The following LARP1B variants were observed in gnomAD, a reference collection of about 807,000 sequenced individuals.
The protein encoded by LARP1B is la-related protein 1B.
LARP1B carries 76 observed loss-of-function variants against 114.2 expected under a neutral mutation model. That is an observed-to-expected ratio of 0.67 (90% CI 0.55 to 0.81). The LOEUF (loss-of-function observed/expected upper bound fraction) is 0.81, where lower values mean the gene tolerates loss of function less well. Among genes scored for constraint, LARP1B ranks in the 30% least tolerant of loss-of-function variants. The probability of loss-of-function intolerance (pLI) is 0.00; values close to 1 mark genes in which losing one functional copy is unlikely to be tolerated. For synonymous variants in LARP1B, 345 were observed against 348.0 expected, an observed-to-expected ratio of 0.99 and a Z score of 0.10; for missense variants, 1,014 against 1,075.8, an observed-to-expected ratio of 0.94 and a Z score of 0.80.
chr4:128,084,865 A>G (rs1377542756), intron 5 of LARP1B, among the ~76,000 whole-genome samples: 1 of 151,600 alleles, frequency 6.6e-6, no homozygotes, highest in Non-Finnish European at 1.5e-5. Flanking sequence ...TATTATTATT[A>G]TTTGTTTTTT....
chr4:128,137,066 G>A (rs1725639938), intron 11 of LARP1B, among the ~76,000 whole-genome samples: 1 of 152,070 alleles, frequency 6.6e-6, no homozygotes, highest in South Asian at 2.1e-4. Context: ...GTGCAGCTAA[G>A]GCAATAGGCT....
Position 128,093,747 on chromosome 4 carries a change from G to A in LARP1B, c.668+2235G>A, listed in dbSNP as rs566092742. On this transcript the variant is annotated intron_variant, in intron 7 of 19. Transcript: ENST00000326639. ...TTTTTTGAAATGGAGTTTTGCTCTC[G>A]TTGTGCAGGCTGGAGTGCAATGGCA... Among the ~76,000 whole-genome samples, 8 of 128,172 alleles carry A rather than the reference G, an allele frequency of 6.2e-5. No homozygotes were observed. In the East Asian group the frequency reaches 1.3e-3, roughly 22 times the overall value. The allele number at this position is 128,172 out of a possible 152,430, so 84.1% of individuals were successfully genotyped here. A position where few individuals can be genotyped will look rare whatever the true frequency, so the allele number is the denominator to read the frequency against.
chr4:128,200,529 C>A lies in LARP1B; in HGVS notation c.2173C>A (p.Arg725Ser). 6.8e-7 allele frequency: 1 copy of A among 1,469,146 alleles called. No individual in the cohort carries two copies. Among genetic ancestry groups the A allele is most frequent in the Non-Finnish European group, 9.0e-7 (1 of 1,107,292 alleles). The allele number at this position is 1,469,146 out of a possible 1,614,324, so 91.0% of individuals were successfully genotyped here. ...TATTTAACTTTTTTCAGAGAGAAAA[C>A]GCTTGGGAATTGGTCAGTCCCAAGA... is the stretch of plus-strand genomic sequence containing the variant. Reference protein sequence around the residue: ...YRRRCLSERKRLGIGQSQEMN... With the variant: ...YRRRCLSERKSLGIGQSQEMN... Residue 725 changes from arginine (R) to serine (S), a missense_variant, in exon 17 of 20, where the codon CGC (arginine) becomes AGC (serine). By Grantham distance (110) the Arg-to-Ser change is moderately radical. Transcript: ENST00000326639.
At chr4:128,105,749 G>A (rs547585761) in intron 8 of LARP1B, among the ~76,000 whole-genome samples, 13 of 152,116 alleles carry the variant, frequency 8.5e-5, no homozygotes, top group South Asian at 4.2e-4. Flanking sequence ...AAAATTAGCC[G>A]GGTGTGGTAG....
rs775255050 is a variant in LARP1B, at chr4:128,209,935, C to A, written c.2627C>A (p.Pro876His). 18 of 1,613,728 alleles carry A rather than the reference C, an allele frequency of 1.1e-5. No individual in the cohort carries two copies. The highest frequency in any genetic ancestry group is 1.4e-5 in the Non-Finnish European group (17 of 1,179,770). The change falls in exon 20 of 20, where the codon CCT becomes CAT. Residue 876 changes from proline (P) to histidine (H), a missense_variant. By Grantham distance (77) the Pro-to-His change is moderately conservative. Coordinates refer to ENST00000326639, the MANE Select transcript of LARP1B (RefSeq NM_018078.4). ...GAGAGTAATCGTCATAGACTTCCAC[C>A]TAATTCCTCTACAAAGCCACCAAAT... is the stretch of plus-strand genomic sequence containing the variant. ...GEESNRHRLPPNSSTKPPNAA... is the reference protein window; with the variant it reads ...GEESNRHRLPHNSSTKPPNAA...
At chr4:128,112,464 C>CTCTTT (rs1380790093) in intron 9 of LARP1B, among the ~76,000 whole-genome samples, 2 of 80,860 alleles carry the variant, frequency 2.5e-5, no homozygotes, top group Non-Finnish European at 5.5e-5. Context: ...AATGCTTACT[C>CTCTTT]TATTTTTTTT....
intron 12 of LARP1B, among the ~76,000 whole-genome samples, chr4:128,176,548 C>T (rs1746255816): frequency 6.6e-6 from 1 of 152,056 alleles, no homozygotes; most frequent in African/African-American, 2.4e-5. Context: ...CCCGCCTCGG[C>T]CTCCCAAAGT....
chr4:128,176,068 A>G (rs1047937276), intron 12 of LARP1B, among the ~76,000 whole-genome samples: 1 of 148,308 alleles, frequency 6.7e-6, no homozygotes, highest in Non-Finnish European at 1.5e-5. Context: ...TTTTATCTCT[A>G]GGATTGTCTC....
intron 15 of LARP1B, among the ~76,000 whole-genome samples, chr4:128,198,114 A>G (rs1578644990): frequency 6.6e-6 from 1 of 151,984 alleles, no homozygotes; most frequent in Admixed American, 6.6e-5. Flanking sequence ...CGAACTCCTG[A>G]CCTCAGGTGA....
At chr4:128,198,164 C>T (rs1477768127) in intron 15 of LARP1B, among the ~76,000 whole-genome samples, 2 of 152,086 alleles carry the variant, frequency 1.3e-5, no homozygotes, top group African/African-American at 4.8e-5. Context: ...GGATTACAGG[C>T]GTGAACCCAC....
chr4:128,171,781 C>T (rs749857232), intron 12 of LARP1B, among the ~76,000 whole-genome samples: 5 of 152,204 alleles, frequency 3.3e-5, no homozygotes, highest in Non-Finnish European at 7.3e-5. Context: ...GAATTCTGAA[C>T]TGACAATTGT....
In LARP1B at chr4:128,211,441, A is replaced by C. The variant is rs1284067743; in HGVS notation, c.*1388A>C. 1 of 917,348 alleles carries C rather than the reference A, an allele frequency of 1.1e-6. No homozygotes were observed. Among genetic ancestry groups the C allele is most frequent in the African/African-American group, 1.8e-5 (1 of 55,768 alleles). 56.8% of individuals were successfully genotyped at this position (917,348 alleles called of 1,614,324 possible). A position where few individuals can be genotyped will look rare whatever the true frequency, so the allele number is the denominator to read the frequency against. ...GCTGTTAATTTGTAAATAGGTTTTC[A>C]TTAAGTTATTTCTCATGATAAGTAA... On this transcript the variant is annotated 3_prime_UTR_variant, in exon 20 of 20. Transcript: ENST00000326639.
At chr4:128,070,550 A>G (rs1764839376) in intron 1 of LARP1B, among the ~76,000 whole-genome samples, 1 of 151,858 alleles carries the variant, frequency 6.6e-6, no homozygotes, top group Admixed American at 6.6e-5. Flanking sequence ...AATCCCAGCT[A>G]CTTGGGAGGC....
In LARP1B at chr4:128,074,860, T is replaced by C; in HGVS notation, c.-18-74T>C. The stretch of plus-strand genomic sequence containing the variant: ...TGATTATTTAAAACTCCTTTCACTT[T>C]TAGAAAATGTTTTTTTCCTGCTTAA... On this transcript the variant is annotated intron_variant, in intron 2 of 19. Coordinates refer to ENST00000326639, the MANE Select transcript of LARP1B (RefSeq NM_018078.4). 11 of 1,035,030 alleles carry C rather than the reference T, an allele frequency of 1.1e-5. 1 individual carries two copies. In the South Asian group the frequency reaches 1.5e-4, roughly 14 times the overall value. 64.1% of individuals were successfully genotyped at this position (1,035,030 alleles called of 1,614,324 possible).
downstream of LARP1B, among the ~76,000 whole-genome samples, chr4:128,214,524 C>T (rs1441162499): frequency 6.6e-6 from 1 of 152,108 alleles, no homozygotes; most frequent in South Asian, 2.1e-4. Context: ...AACTGGGAGG[C>T]AGGGGCACAC....
chr4:128,188,218 G>A (rs1750994304), intron 15 of LARP1B, among the ~76,000 whole-genome samples: 1 of 152,022 alleles, frequency 6.6e-6, no homozygotes, highest in Non-Finnish European at 1.5e-5. Flanking sequence ...GGGATTACAG[G>A]CATGCACCAC....
rs771097117 is a variant in LARP1B at position 128,121,863 on chromosome 4, T to C, written c.1199T>C (p.Leu400Pro). 3 of 1,607,556 alleles carry C rather than the reference T, an allele frequency of 1.9e-6. No individual in the cohort carries two copies. In the East Asian group the frequency reaches 6.7e-5, roughly 36 times the overall value. The change falls in exon 11 of 20, where the codon CTA becomes CCA. Residue 400 changes from leucine (L) to proline (P), a missense_variant. Physicochemically the swap from Leu to Pro is moderately conservative, Grantham distance 98. Coordinates refer to ENST00000326639, the MANE Select transcript of LARP1B (RefSeq NM_018078.4). Reference protein sequence around the residue: ...VSVPEGSLNQLCSSEEPEQEE... With the variant: ...VSVPEGSLNQPCSSEEPEQEE... ...GTCCCTGAAGGGTCATTAAATCAGC[T>C]ATGTTCTTCAGAAGAACCAGAACAA...
intron 15 of LARP1B, among the ~76,000 whole-genome samples, chr4:128,182,528 G>GT (rs1450989095): frequency 2.6e-5 from 4 of 152,124 alleles, no homozygotes; most frequent in African/African-American, 9.7e-5. Context: ...AATATTGTAT[G>GT]TTTTCTGGCT....
chr4:128,128,123 A>C (rs1357845398), intron 11 of LARP1B, among the ~76,000 whole-genome samples: 2 of 152,346 alleles, frequency 1.3e-5, no homozygotes, highest in African/African-American at 2.4e-5. Flanking sequence ...ATCATGTATC[A>C]AAATTAACTT....
Sources: gnomAD v4.1 joint callset for allele counts (sites outside exome capture counted in the v4.1 genomes callset) on GRCh38, gnomAD v4.1.1 for gene constraint, MANE v1.5 for transcripts, NCBI Gene and HGNC (gene_info 2026-07-23, HGNC 2026-07-21) for gene names.